PRR5: variants seen among roughly 807,000 people sequenced by gnomAD.
The protein encoded by PRR5 is proline rich 5.
In PRR5, 25 loss-of-function variants were observed where a neutral mutation model predicts 30.6. That is an observed-to-expected ratio of 0.82 (90% CI 0.60 to 1.14). The LOEUF is 1.14. Among genes scored for constraint, PRR5 ranks in the 50% most tolerant of loss-of-function variants. The pLI, the probability that PRR5 is intolerant of heterozygous loss-of-function variation, is 0.00. For missense variants in PRR5, 600 were observed against 547.1 expected, an observed-to-expected ratio of 1.10 and a Z score of -0.96; for synonymous variants, 286 against 247.1, an observed-to-expected ratio of 1.16 and a Z score of -1.48.
intron 1 of PRR5, chr22:44,679,948 G>A (rs1924122345): frequency 6.8e-7 from 1 of 1,463,028 alleles, no homozygotes; most frequent in African/African-American, 1.4e-5. Flanking sequence ...TGAGTGCAGT[G>A]TGGCTGGAGG....
chr22:44,731,722 GCC>G lies in PRR5; in HGVS notation c.323-6_323-5del. 6.2e-7 allele frequency: 1 copy of G among 1,613,576 alleles called. No individual in the cohort carries two copies. On this transcript the variant is annotated splice_region_variant and splice_polypyrimidine_tract_variant and intron_variant, in intron 4 of 7. Coordinates refer to ENST00000336985, the MANE Select transcript of PRR5 (RefSeq NM_181333.4). ...CAGGCCCAGTGGTGATGGCCCCCAT[GCC>G]CACAGGACAGAAGCTGCTGGACTCA...
intron 1 of PRR5, among the ~76,000 whole-genome samples, chr22:44,708,748 T>C (rs1927640497): frequency 6.6e-6 from 1 of 151,894 alleles, no homozygotes; most frequent in Non-Finnish European, 1.5e-5. Context: ...AGGTGGATCA[T>C]CTGAGGTCAG....
chr22:44,723,396 T>C (rs1401206032), intron 2 of PRR5, among the ~76,000 whole-genome samples: 1 of 152,148 alleles, frequency 6.6e-6, no homozygotes, highest in East Asian at 1.9e-4. Flanking sequence ...AAAGATTGTA[T>C]AGTAAAATGA....
chr22:44,732,264 C>G lies in PRR5; in HGVS notation c.428C>G (p.Ser143Trp), dbSNP rs751143808. 1.2e-6 allele frequency: 2 copies of G among 1,611,688 alleles called. No homozygotes were observed. Among genetic ancestry groups the G allele is most frequent in the Admixed American group, 3.3e-5 (2 of 60,014 alleles). The change falls in exon 6 of 8, where the codon TCG becomes TGG. Residue 143 changes from serine to tryptophan, a missense_variant. By Grantham distance (177) the Ser-to-Trp change is radical. Transcript: ENST00000336985. ...IFYPVQGKEP[S>W]VRQLALLHFR... Reference sequence around the variant, plus strand: ...TTCCGTCCACAGGGCAAGGAGCCATCGGTGCGCCAGCTGGCCCTGCTGCAC... The same window carrying G: ...TTCCGTCCACAGGGCAAGGAGCCATGGGTGCGCCAGCTGGCCCTGCTGCAC...
intron 1 of PRR5, chr22:44,679,804 T>C: frequency 6.3e-7 from 1 of 1,597,616 alleles, no homozygotes; most frequent in Non-Finnish European, 8.5e-7. Flanking sequence ...AGAGCCATGG[T>C]GTGTTTGGAA....
At chr22:44,728,676 G>A (rs977005771) in intron 4 of PRR5, among the ~76,000 whole-genome samples, 2 of 152,202 alleles carry the variant, frequency 1.3e-5, no homozygotes, top group African/African-American at 2.4e-5. Context: ...CCTGATGGGC[G>A]GCCTCAGGGG....
chr22:44,699,916 T>A (rs984951220), upstream of PRR5, among the ~76,000 whole-genome samples: 1 of 103,170 alleles, frequency 9.7e-6, no homozygotes, highest in Non-Finnish European at 1.9e-5. Flanking sequence ...TTTTTATATG[T>A]TTTTTGTTGT....
chr22:44,687,837 C>T (rs1328100524), intron 1 of PRR5, among the ~76,000 whole-genome samples: 2 of 152,078 alleles, frequency 1.3e-5, no homozygotes, highest in East Asian at 2.0e-4. Context: ...TGCATTGGCG[C>T]GATCTCGGCT....
At chr22:44,705,664 A>G (rs1283086061) in intron 1 of PRR5, among the ~76,000 whole-genome samples, 1 of 143,970 alleles carries the variant, frequency 6.9e-6, no homozygotes, top group African/African-American at 2.6e-5. Context: ...TTGCTCTGTC[A>G]CCCAGGCTGG....
chr22:44,726,204 G>A (rs1920943852), intron 3 of PRR5, among the ~76,000 whole-genome samples: 1 of 152,228 alleles, frequency 6.6e-6, no homozygotes, highest in South Asian at 2.1e-4. Context: ...CCTGAGGTAG[G>A]ATGGCAGCTG....
At chr22:44,670,393 A>G (rs1305788416) in intron 1 of PRR5, among the ~76,000 whole-genome samples, 1 of 152,190 alleles carries the variant, frequency 6.6e-6, no homozygotes, top group Non-Finnish European at 1.5e-5. Flanking sequence ...CAGCTCCAGC[A>G]CTGGCTGGCT....
chr22:44,697,544 A>C (rs182093226), upstream of PRR5, among the ~76,000 whole-genome samples: 5 of 152,334 alleles, frequency 3.3e-5, no homozygotes, highest in East Asian at 9.7e-4. Flanking sequence ...AGGGGGCAGA[A>C]GGCACTTTTG....
chr22:44,712,267 G>A (rs938112347), intron 1 of PRR5, among the ~76,000 whole-genome samples: 3 of 152,336 alleles, frequency 2.0e-5, no homozygotes, highest in Admixed American at 6.5e-5. Flanking sequence ...CGTATCTGGC[G>A]TGATCTCGGC....
chr22:44,693,266 C>T (rs1462484577), intron 1 of PRR5, among the ~76,000 whole-genome samples: 1 of 151,994 alleles, frequency 6.6e-6, no homozygotes, highest in East Asian at 1.9e-4. Flanking sequence ...GAGTTCGAGA[C>T]CAGCCTTGGC....
chr22:44,669,591 C>G (rs1298418750), intron 1 of PRR5, among the ~76,000 whole-genome samples: 1 of 152,224 alleles, frequency 6.6e-6, no homozygotes, highest in Non-Finnish European at 1.5e-5. Flanking sequence ...GACCCTGTTC[C>G]CATAAGCAGA....
chr22:44,710,291 C>G (rs1240514085), intron 1 of PRR5, among the ~76,000 whole-genome samples: 7 of 152,250 alleles, frequency 4.6e-5, no homozygotes, highest in East Asian at 1.9e-4. Context: ...CTGCACCCCC[C>G]CCCCAGCGCT....
chr22:44,693,019 A>G (rs1398303181), intron 1 of PRR5, among the ~76,000 whole-genome samples: 2 of 152,136 alleles, frequency 1.3e-5, no homozygotes, highest in Non-Finnish European at 1.5e-5. Context: ...GCTGAGTGTC[A>G]GGGTGGGACC....
At chr22:44,720,920 A>G (rs739276) in intron 2 of PRR5, among the ~76,000 whole-genome samples, 104,383 of 152,098 alleles carry the variant, frequency 0.69, 36,186 homozygotes, top group East Asian at 0.85. Flanking sequence ...GTAGGGCTTC[A>G]TTAGGGCCTC....
At chr22:44,725,687 T>G (rs1920932158) in intron 3 of PRR5, among the ~76,000 whole-genome samples, 1 of 150,782 alleles carries the variant, frequency 6.6e-6, no homozygotes, top group Admixed American at 6.6e-5. Flanking sequence ...GTTGTTGAGA[T>G]GGAGTCTTGC....
Sources: gnomAD v4.1 joint callset for allele counts (sites outside exome capture counted in the v4.1 genomes callset) on GRCh38, gnomAD v4.1.1 for gene constraint, MANE v1.5 for transcripts, NCBI Gene and HGNC (gene_info 2026-07-23, HGNC 2026-07-21) for gene names.